The following GALNTL6 variants were observed in gnomAD, a reference collection of about 807,000 sequenced individuals.
GALNTL6 encodes polypeptide N-acetylgalactosaminyltransferase like 6.
Under a neutral mutation model 73.7 loss-of-function variants are expected in GALNTL6, and 46 were observed. The observed-to-expected ratio is 0.62, with a 90% CI of 0.49 to 0.80. The LOEUF is 0.80. Among genes scored for constraint, GALNTL6 ranks in the 30% least tolerant of loss-of-function variants. The pLI, the probability that GALNTL6 is intolerant of heterozygous loss-of-function variation, is 0.00. For missense variants in GALNTL6, 604 were observed against 755.0 expected, an observed-to-expected ratio of 0.80 and a Z score of 2.34; for synonymous variants, 259 against 263.7, an observed-to-expected ratio of 0.98 and a Z score of 0.17.
intron 5 of GALNTL6, among the ~76,000 whole-genome samples, chr4:172,715,173 C>G (rs1734990481): frequency 6.6e-6 from 1 of 152,114 alleles, no homozygotes; most frequent in Non-Finnish European, 1.5e-5. Context: ...TAGACTGTCT[C>G]TTTTATTAGG....
chr4:172,157,164 C>A (rs1449690601), intron 2 of GALNTL6, among the ~76,000 whole-genome samples: 3 of 152,150 alleles, frequency 2.0e-5, no homozygotes, highest in African/African-American at 7.2e-5. Context: ...TGAAAATTAT[C>A]ACAGCTAAAC....
intron 8 of GALNTL6, among the ~76,000 whole-genome samples, chr4:172,906,607 C>T (rs1746906757): frequency 6.6e-6 from 1 of 152,196 alleles, no homozygotes; most frequent in Non-Finnish European, 1.5e-5. Context: ...GAAACCTCTC[C>T]TTCCAAGCTG....
chr4:172,761,008 A>G (rs181292046), intron 5 of GALNTL6, among the ~76,000 whole-genome samples: 197 of 152,346 alleles, frequency 1.3e-3, no homozygotes, highest in Non-Finnish European at 2.2e-3. Context: ...CAGGGAGTCA[A>G]TTCCTGATTA....
At chr4:172,933,374 T>C (rs1748452963) in intron 9 of GALNTL6, among the ~76,000 whole-genome samples, 1 of 152,044 alleles carries the variant, frequency 6.6e-6, no homozygotes, top group South Asian at 2.1e-4. Context: ...TTCAAAAAAA[T>C]AAAACTGTTC....
At chr4:172,825,612 A>G (rs1441106256) in intron 7 of GALNTL6, among the ~76,000 whole-genome samples, 1 of 152,168 alleles carries the variant, frequency 6.6e-6, no homozygotes, top group African/African-American at 2.4e-5. Flanking sequence ...AACTCATCCA[A>G]GGCCTTCTAG....
At chr4:172,768,043 C>T (rs536777379) in intron 5 of GALNTL6, among the ~76,000 whole-genome samples, 5 of 152,080 alleles carry the variant, frequency 3.3e-5, no homozygotes, top group Non-Finnish European at 7.4e-5. Context: ...CACACATACC[C>T]GCCACCAAGG....
At chr4:172,231,021 C>T (rs577741083) in intron 3 of GALNTL6, among the ~76,000 whole-genome samples, 2 of 149,068 alleles carry the variant, frequency 1.3e-5, no homozygotes, top group Admixed American at 6.8e-5. Flanking sequence ...GCCCCACCCC[C>T]AGCTTTTTAA....
At chr4:172,674,361 G>T (rs943750183) in intron 5 of GALNTL6, among the ~76,000 whole-genome samples, 1 of 152,062 alleles carries the variant, frequency 6.6e-6, no homozygotes, top group Admixed American at 6.5e-5. Flanking sequence ...TTCCTTTGTA[G>T]GTGACCTGAC....
At chr4:172,912,278 T>C (rs1186453419) in intron 8 of GALNTL6, among the ~76,000 whole-genome samples, 4 of 152,174 alleles carry the variant, frequency 2.6e-5, no homozygotes, top group Non-Finnish European at 5.9e-5. Context: ...TAGGAACAGC[T>C]CCAGTCTACA....
intron 2 of GALNTL6, among the ~76,000 whole-genome samples, chr4:171,985,540 A>T (rs1432920949): frequency 6.6e-6 from 1 of 152,150 alleles, no homozygotes; most frequent in Non-Finnish European, 1.5e-5. Flanking sequence ...ATTACTTTGT[A>T]TTATTCCCCA....
At chr4:172,716,543 T>C (rs1735110181) in intron 5 of GALNTL6, among the ~76,000 whole-genome samples, 1 of 152,108 alleles carries the variant, frequency 6.6e-6, no homozygotes, top group Admixed American at 6.6e-5. Flanking sequence ...TGGTCTCTGC[T>C]CACTCCCATA....
chr4:171,978,069 C>T (rs1219658943), intron 2 of GALNTL6, among the ~76,000 whole-genome samples: 2 of 151,854 alleles, frequency 1.3e-5, no homozygotes, highest in Non-Finnish European at 2.9e-5. Context: ...TAACACCAAC[C>T]TAATATACAT....
At chr4:172,607,652 TTC>T (rs1738359477) in intron 5 of GALNTL6, among the ~76,000 whole-genome samples, 3 of 152,166 alleles carry the variant, frequency 2.0e-5, no homozygotes, top group Admixed American at 6.6e-5. Context: ...TGGTCCTAAG[TTC>T]TTTCAGAAAT....
intron 2 of GALNTL6, among the ~76,000 whole-genome samples, chr4:171,900,221 C>T (rs1194663941): frequency 1.3e-5 from 2 of 152,108 alleles, no homozygotes. Flanking sequence ...TCTCAGCAGT[C>T]ATCAATTTTT....
At chr4:172,894,057 C>G (rs1333861279) in intron 8 of GALNTL6, among the ~76,000 whole-genome samples, 1 of 152,132 alleles carries the variant, frequency 6.6e-6, no homozygotes, top group Non-Finnish European at 1.5e-5. Context: ...TATCAACTTT[C>G]AGTATTTTCT....
At chr4:172,995,160 T>C (rs780913092) in intron 10 of GALNTL6, among the ~76,000 whole-genome samples, 1 of 152,084 alleles carries the variant, frequency 6.6e-6, no homozygotes, top group Non-Finnish European at 1.5e-5. Context: ...AATCCAACCA[T>C]TGGGAGAAGT....
At chr4:172,222,318 G>A (rs1463702987) in intron 2 of GALNTL6, among the ~76,000 whole-genome samples, 3 of 142,524 alleles carry the variant, frequency 2.1e-5, no homozygotes, top group East Asian at 4.2e-4. Flanking sequence ...CTCTCAAATT[G>A]TGTTCTTTAT....
intron 5 of GALNTL6, among the ~76,000 whole-genome samples, chr4:172,605,754 TC>T (rs1738231463): frequency 1.3e-5 from 2 of 151,962 alleles, no homozygotes; most frequent in African/African-American, 4.8e-5. Context: ...GGTTCTTATC[TC>T]ACAACCAGAA....
At chr4:172,783,722 T>G (rs1031228630) in intron 5 of GALNTL6, among the ~76,000 whole-genome samples, 3 of 151,952 alleles carry the variant, frequency 2.0e-5, no homozygotes, top group African/African-American at 7.2e-5. Flanking sequence ...GAAATTATCC[T>G]TCTCCTTTAG....
Sources: allele counts gnomAD v4.1 joint callset (sites outside exome capture counted in the v4.1 genomes callset), GRCh38; gene constraint gnomAD v4.1.1; transcripts MANE v1.5; gene names NCBI Gene and HGNC (gene_info 2026-07-23, HGNC 2026-07-21).